CSRNP3: variants seen among roughly 807,000 people sequenced by gnomAD.
CSRNP3 encodes cysteine and serine rich nuclear protein 3.
Under a neutral mutation model 48.0 loss-of-function variants are expected in CSRNP3, and 12 were observed. The ratio of observed to expected loss-of-function variants is 0.25; its 90% CI spans 0.16 to 0.41. The LOEUF (loss-of-function observed/expected upper bound fraction) is 0.41. Among genes scored for constraint, CSRNP3 ranks in the 10% least tolerant of loss-of-function variants. The pLI, the probability that CSRNP3 is intolerant of heterozygous loss-of-function variation, is 1.00. For missense variants in CSRNP3, 580 were observed against 724.4 expected (o/e 0.80, Z 2.29); for synonymous variants, 263 against 269.7 (o/e 0.98, Z 0.24).
At chr2:165,649,020 C>A (rs932659016) in intron 4 of CSRNP3, among the ~76,000 whole-genome samples, 8 of 152,158 alleles carry the variant, frequency 5.3e-5, no homozygotes, top group Non-Finnish European at 1.2e-4. Flanking sequence ...ATGCATATCT[C>A]TTGCTTGCTT....
At chr2:165,653,222 A>G (rs1286434695) in intron 4 of CSRNP3, among the ~76,000 whole-genome samples, 1 of 152,228 alleles carries the variant, frequency 6.6e-6, no homozygotes, top group Non-Finnish European at 1.5e-5. Context: ...CAGGAAAGCC[A>G]CACTTATAAT....
chr2:165,616,830 A>G (rs1686252329), intron 4 of CSRNP3, among the ~76,000 whole-genome samples: 1 of 151,428 alleles, frequency 6.6e-6, no homozygotes, highest in South Asian at 2.1e-4. Context: ...GTTTTCCCAC[A>G]TTTTTCCATT....
At chr2:165,570,218 C>T (rs2105273582) in intron 3 of CSRNP3, among the ~76,000 whole-genome samples, 1 of 152,048 alleles carries the variant, frequency 6.6e-6, no homozygotes, top group Non-Finnish European at 1.5e-5. Flanking sequence ...GAGATTATTA[C>T]CATCCCGTGA....
chr2:165,523,493 A>G (rs1289138110), intron 3 of CSRNP3, among the ~76,000 whole-genome samples: 1 of 152,180 alleles, frequency 6.6e-6, no homozygotes, highest in Non-Finnish European at 1.5e-5. Context: ...GCACAGTGCA[A>G]TCTGATTTCT....
rs888495924 is a variant in CSRNP3, at chr2:165,688,246, A to T, written c.*8493A>T. ...AATAGTAAAAAAATAAAATAAAAAT[A>T]AACCTGTAGATTACAGCTCTGTTCC... is the stretch of plus-strand genomic sequence containing the variant. On this transcript the variant is annotated 3_prime_UTR_variant, in exon 7 of 7. Transcript: ENST00000651982. 2.0e-5 allele frequency: 3 copies of T among 152,088 alleles called. No individual in the cohort carries two copies. Among genetic ancestry groups the T allele is most frequent in the Non-Finnish European group, 4.4e-5 (3 of 68,004 alleles). The allele number at this position is 152,088 out of a possible 1,614,324, so 9.4% of individuals were successfully genotyped here.
chr2:165,487,651 A>G (rs1452931315), intron 1 of CSRNP3, among the ~76,000 whole-genome samples: 2 of 144,234 alleles, frequency 1.4e-5, no homozygotes, highest in African/African-American at 2.6e-5. Flanking sequence ...CAACATTCTT[A>G]AAGAAAAGAA....
intron 3 of CSRNP3, among the ~76,000 whole-genome samples, chr2:165,552,126 C>A (rs1685103902): frequency 6.6e-6 from 1 of 152,250 alleles, no homozygotes; most frequent in Non-Finnish European, 1.5e-5. Context: ...ACATTTCTCT[C>A]TCCACATCTT....
intron 2 of CSRNP3, among the ~76,000 whole-genome samples, chr2:165,515,271 C>T (rs958241143): frequency 6.0e-5 from 9 of 150,546 alleles, no homozygotes; most frequent in African/African-American, 2.0e-4. Context: ...TTGCAGTGAG[C>T]CAGTTGCACC....
At chr2:165,514,831 G>A (rs182254369) in intron 2 of CSRNP3, among the ~76,000 whole-genome samples, 54 of 152,246 alleles carry the variant, frequency 3.5e-4, no homozygotes, top group African/African-American at 1.2e-3. Context: ...AGGTTACAAG[G>A]CTTGCACCAC....
At chr2:165,523,871 T>C (rs1025398039) in intron 3 of CSRNP3, among the ~76,000 whole-genome samples, 34 of 152,238 alleles carry the variant, frequency 2.2e-4, no homozygotes, top group Non-Finnish European at 4.7e-4. Flanking sequence ...TGGAGATCCA[T>C]CTTCATTCTA....
At chr2:165,605,522 C>T (rs1026519140) in intron 4 of CSRNP3, among the ~76,000 whole-genome samples, 9 of 151,868 alleles carry the variant, frequency 5.9e-5, no homozygotes, top group South Asian at 2.1e-4. Flanking sequence ...AAAAATAGAG[C>T]GATAGATGAA....
intron 3 of CSRNP3, among the ~76,000 whole-genome samples, chr2:165,577,229 C>T (rs945280500): frequency 2.0e-5 from 3 of 151,154 alleles, no homozygotes; most frequent in African/African-American, 7.3e-5. Context: ...AATCACATTT[C>T]TCTATTTTAA....
chr2:165,504,076 AAATT>A (rs1178408147), intron 2 of CSRNP3, among the ~76,000 whole-genome samples: 2 of 152,014 alleles, frequency 1.3e-5, no homozygotes, highest in Admixed American at 6.6e-5. Context: ...ATTTCATTGT[AAATT>A]AATTTATTTA....
At chr2:165,643,770 T>G (rs1340887134) in intron 4 of CSRNP3, among the ~76,000 whole-genome samples, 2 of 152,214 alleles carry the variant, frequency 1.3e-5, no homozygotes, top group African/African-American at 2.4e-5. Flanking sequence ...CAACTAGGCC[T>G]TCTACGTATG....
rs1355975022 is a variant in CSRNP3 at position 165,681,223 on chromosome 2, A to G, written c.*1470A>G. On this transcript the variant is annotated 3_prime_UTR_variant, in exon 7 of 7. Transcript: ENST00000651982. ...AGTGTAATTCTGCCTTTTTTTTTCC[A>G]ATGCAATATGACTATGCTAAACCTG... 3.9e-5 allele frequency: 6 copies of G among 152,020 alleles called. No homozygotes were observed. The East Asian group carries it at 1.2e-3, about 29-fold the overall frequency. The allele number at this position is 152,020 out of a possible 1,614,324, so 9.4% of individuals were successfully genotyped here. A position where few individuals can be genotyped will look rare whatever the true frequency, so the allele number is the denominator to read the frequency against.
intron 4 of CSRNP3, among the ~76,000 whole-genome samples, chr2:165,636,598 A>G (rs1244370089): frequency 6.6e-6 from 1 of 152,212 alleles, no homozygotes; most frequent in Non-Finnish European, 1.5e-5. Context: ...CTTCACTAGA[A>G]CTAAATGAAC....
At chr2:165,516,824 T>C (rs542054510) in intron 2 of CSRNP3, among the ~76,000 whole-genome samples, 1 of 152,292 alleles carries the variant, frequency 6.6e-6, no homozygotes, top group South Asian at 2.1e-4. Flanking sequence ...ATGTAGATAT[T>C]GATAAAGTTT....
At chr2:165,515,649 T>TA (rs902119958) in intron 2 of CSRNP3, among the ~76,000 whole-genome samples, 5 of 151,852 alleles carry the variant, frequency 3.3e-5, no homozygotes, top group African/African-American at 9.7e-5. Context: ...TTTTAAATGG[T>TA]ATCTTAATAA....
chr2:165,610,642 C>T (rs1686120669), intron 4 of CSRNP3, among the ~76,000 whole-genome samples: 1 of 152,114 alleles, frequency 6.6e-6, no homozygotes, highest in Non-Finnish European at 1.5e-5. Flanking sequence ...GAGTTGCTGA[C>T]GCTGTCATGA....
Sources: gnomAD v4.1 joint callset for allele counts (sites outside exome capture counted in the v4.1 genomes callset) on GRCh38, gnomAD v4.1.1 for gene constraint, MANE v1.5 for transcripts, NCBI Gene and HGNC (gene_info 2026-07-23, HGNC 2026-07-21) for gene names.